Variants in ATOSA observed in about 807,000 individuals in gnomAD.
The protein encoded by ATOSA is atos homolog protein A.
chr15:52,596,865 C>T, the ATOSA span, among the ~76,000 whole-genome samples: 1 of 152,156 alleles, frequency 6.6e-6, no homozygotes, highest in African/African-American at 2.4e-5. Flanking sequence ...TGTAAAGACA[C>T]TATCACAAAA....
chr15:52,683,021 T>G, the ATOSA span, among the ~76,000 whole-genome samples: 4 of 152,320 alleles, frequency 2.6e-5, no homozygotes, highest in African/African-American at 7.2e-5. Context: ...GTATTCTTTC[T>G]GGTCCCAGTC....
chr15:52,707,969 A>T, the ATOSA span, among the ~76,000 whole-genome samples: 1 of 152,174 alleles, frequency 6.6e-6, no homozygotes, highest in Non-Finnish European at 1.5e-5. Flanking sequence ...TCTCAAATCC[A>T]CACCATTCCT....
chr15:52,623,965 A>G, the ATOSA span, among the ~76,000 whole-genome samples: 2 of 152,362 alleles, frequency 1.3e-5, no homozygotes, highest in East Asian at 1.9e-4. Flanking sequence ...TTCTAAGTCT[A>G]TGGCACAAAT....
chr15:52,684,306 G>A, the ATOSA span, among the ~76,000 whole-genome samples: 1 of 152,188 alleles, frequency 6.6e-6, no homozygotes, highest in African/African-American at 2.4e-5. Context: ...AGGCCCAGGT[G>A]GGAGGCTTGC....
chr15:52,660,480 C>A, the ATOSA span, among the ~76,000 whole-genome samples: 2 of 152,160 alleles, frequency 1.3e-5, no homozygotes, highest in Admixed American at 6.5e-5. Context: ...TTCTCAGGGG[C>A]CTTACCTAAC....
chr15:52,619,062 C>T, the ATOSA span, among the ~76,000 whole-genome samples: 5 of 152,138 alleles, frequency 3.3e-5, no homozygotes, highest in African/African-American at 1.2e-4. Flanking sequence ...GTAACTATTA[C>T]ATAAGTATTG....
At chr15:52,619,697 T>G in the ATOSA span, among the ~76,000 whole-genome samples, 2 of 151,856 alleles carry the variant, frequency 1.3e-5, no homozygotes, top group Non-Finnish European at 2.9e-5. Flanking sequence ...GCCAGGATGG[T>G]GGTGCATGCT....
At chr15:52,592,634 T>C in the ATOSA span, among the ~76,000 whole-genome samples, 2 of 152,196 alleles carry the variant, frequency 1.3e-5, no homozygotes, top group African/African-American at 4.8e-5. Flanking sequence ...ACATAAAATA[T>C]ACTAACACTA....
chr15:52,643,535 T>C, the ATOSA span, among the ~76,000 whole-genome samples: 4 of 151,242 alleles, frequency 2.6e-5, no homozygotes, highest in African/African-American at 9.7e-5. Context: ...GTGATCCTCC[T>C]GCCTCACAAA....
At chr15:52,693,393 C>G in the ATOSA span, among the ~76,000 whole-genome samples, 1 of 152,172 alleles carries the variant, frequency 6.6e-6, no homozygotes, top group Non-Finnish European at 1.5e-5. Context: ...TCACTCCAGC[C>G]TGGGTGAGAG....
the ATOSA span, among the ~76,000 whole-genome samples, chr15:52,666,036 G>A: frequency 1.1e-3 from 174 of 152,084 alleles, 1 homozygote; most frequent in South Asian, 6.2e-3. Flanking sequence ...CACACACCCC[G>A]CCCTGGCACC....
At chr15:52,641,180 A>G in the ATOSA span, among the ~76,000 whole-genome samples, 4 of 152,268 alleles carry the variant, frequency 2.6e-5, no homozygotes, top group Admixed American at 2.6e-4. Context: ...TACGTTAATC[A>G]AAGTAAAAAT....
chr15:52,678,444 A>C, the ATOSA span: 2 of 175,394 alleles, frequency 1.1e-5, no homozygotes, highest in Admixed American at 5.9e-5. Flanking sequence ...TCGTACAAAA[A>C]CGCCTCTGGA....
the ATOSA span, chr15:52,629,521 AG>A: frequency 0.086 from 15,091 of 176,092 alleles, 220 homozygotes; most frequent in South Asian, 0.25. Context: ...AAAAAAAAAA[AG>A]GCCAGGCATC....
At chr15:52,675,808 A>G in the ATOSA span, among the ~76,000 whole-genome samples, 1 of 152,056 alleles carries the variant, frequency 6.6e-6, no homozygotes, top group Non-Finnish European at 1.5e-5. Flanking sequence ...CCGAAGGCTG[A>G]GGCAGGAGAA....
the ATOSA span, among the ~76,000 whole-genome samples, chr15:52,664,270 GTAC>G: frequency 7.2e-5 from 11 of 152,250 alleles, no homozygotes; most frequent in East Asian, 2.1e-3. Flanking sequence ...CTAGATCTAA[GTAC>G]TACTGTTAGT....
the ATOSA span, among the ~76,000 whole-genome samples, chr15:52,647,813 A>C: frequency 5.3e-5 from 8 of 152,166 alleles, no homozygotes; most frequent in Non-Finnish European, 1.2e-4. Context: ...AAACACTACA[A>C]ACAGAACAAA....
the ATOSA span, among the ~76,000 whole-genome samples, chr15:52,676,013 G>C: frequency 2.6e-5 from 4 of 151,940 alleles, no homozygotes; most frequent in African/African-American, 9.7e-5. Context: ...AAGGTGACAA[G>C]GATAAATATA....
the ATOSA span, chr15:52,609,182 A>C: frequency 6.2e-7 from 1 of 1,613,506 alleles, no homozygotes; most frequent in Non-Finnish European, 8.5e-7. Context: ...TGATGTTTCA[A>C]AGAACACTTT....
Sources: gnomAD v4.1 joint callset for allele counts (sites outside exome capture counted in the v4.1 genomes callset) on GRCh38, gnomAD v4.1.1 for gene constraint, MANE v1.5 for transcripts, NCBI Gene and HGNC (gene_info 2026-07-23, HGNC 2026-07-21) for gene names.